PTPRG: variants seen among roughly 807,000 people sequenced by gnomAD.
PTPRG encodes protein tyrosine phosphatase receptor type G.
Under a neutral mutation model 165.3 loss-of-function variants are expected in PTPRG, and 102 were observed. That is an observed-to-expected ratio of 0.62 (90% CI 0.53 to 0.73). The LOEUF is 0.73. Ranked by LOEUF, PTPRG falls within the 30% of genes least tolerant of loss-of-function variation. The pLI, the probability that PTPRG is intolerant of heterozygous loss-of-function variation, is 0.00. For missense variants in PTPRG, 1,866 were observed against 1,861.4 expected, an observed-to-expected ratio of 1.00 and a Z score of -0.05; for synonymous variants, 675 against 669.5, an observed-to-expected ratio of 1.01 and a Z score of -0.13.
chr3:61,820,531 C>T (rs893599837), intron 2 of PTPRG, among the ~76,000 whole-genome samples: 4 of 150,786 alleles, frequency 2.7e-5, no homozygotes, highest in Non-Finnish European at 5.9e-5. Flanking sequence ...ATGGCCCAGT[C>T]AAGTTGACAC....
At position 62,237,835 on chromosome 3, in the gene PTPRG, T is replaced by A. The variant is rs934163500; in HGVS notation, c.2376-5972T>A. 6.6e-6 allele frequency among the ~76,000 whole-genome samples: 1 copy of A among 152,172 alleles called. No individual in the cohort carries two copies. Among genetic ancestry groups the A allele is most frequent in the Non-Finnish European group, 1.5e-5 (1 of 68,034 alleles). ...CCAGAAAACTGCTAACCAGATGCCA[T>A]ACAGATTTGATCAGCTACTATCACA... On this transcript the variant is annotated intron_variant, in intron 14 of 29. Transcript: ENST00000474889. The surrounding 1 kb of genome is among the most constrained non-coding windows in gnomAD (Gnocchi z 4.5).
At chr3:61,715,138 T>G (rs1169492884) in intron 1 of PTPRG, among the ~76,000 whole-genome samples, 1 of 151,890 alleles carries the variant, frequency 6.6e-6, no homozygotes, top group East Asian at 1.9e-4. Context: ...TAGGTACAGC[T>G]TCTGCTACAG....
intron 4 of PTPRG, among the ~76,000 whole-genome samples, chr3:62,011,465 C>T (rs770337004): frequency 9.9e-5 from 15 of 152,102 alleles, no homozygotes; most frequent in South Asian, 4.1e-4. Context: ...GGAGCGTGGA[C>T]GTGTTAGAGA....
intron 2 of PTPRG, chr3:61,925,979 G>C (rs1431416191): frequency 6.5e-6 from 3 of 464,326 alleles, no homozygotes; most frequent in Non-Finnish European, 1.3e-5. Flanking sequence ...AGCAGCACCA[G>C]CGTCACCTGC....
At chr3:62,038,797 T>G (rs1333329428) in intron 4 of PTPRG, among the ~76,000 whole-genome samples, 1 of 152,202 alleles carries the variant, frequency 6.6e-6, no homozygotes, top group Non-Finnish European at 1.5e-5. Context: ...TCCAACTTCC[T>G]CTATTTTTTA....
At chr3:61,953,736 G>A (rs958314001) in intron 2 of PTPRG, among the ~76,000 whole-genome samples, 2 of 151,470 alleles carry the variant, frequency 1.3e-5, no homozygotes, top group Non-Finnish European at 2.9e-5. Context: ...CTTTCAGCAC[G>A]TCAGTCATAC....
chr3:62,031,950 G>A (rs932016788), intron 4 of PTPRG, among the ~76,000 whole-genome samples: 4 of 152,178 alleles, frequency 2.6e-5, no homozygotes, highest in Non-Finnish European at 4.4e-5. Flanking sequence ...AAATGTCTAA[G>A]AAACCAGTTG....
chr3:62,241,260 C>G, intron 14 of PTPRG, among the ~76,000 whole-genome samples: 1 of 152,136 alleles, frequency 6.6e-6, no homozygotes. Flanking sequence ...TGTCTGCATA[C>G]TTGATGCTGT....
intron 1 of PTPRG, among the ~76,000 whole-genome samples, chr3:61,701,526 A>G (rs2030956034): frequency 6.6e-6 from 1 of 152,226 alleles, no homozygotes. Context: ...TTTAGTGACT[A>G]ATTTTTCTAC....
chr3:61,956,761 C>T (rs1158046688), intron 2 of PTPRG, among the ~76,000 whole-genome samples: 1 of 152,138 alleles, frequency 6.6e-6, no homozygotes, highest in East Asian at 1.9e-4. Flanking sequence ...CAATTACATA[C>T]CTTTTGTATG....
intron 6 of PTPRG, among the ~76,000 whole-genome samples, chr3:62,140,288 A>G (rs1440862697): frequency 6.6e-6 from 1 of 152,210 alleles, no homozygotes; most frequent in Non-Finnish European, 1.5e-5. Context: ...TATATCCCCA[A>G]GAAAAATATT....
chr3:61,713,189 T>G (rs1051182965), intron 1 of PTPRG, among the ~76,000 whole-genome samples: 3 of 148,170 alleles, frequency 2.0e-5, no homozygotes, highest in African/African-American at 2.5e-5. Flanking sequence ...TGAGACGGAG[T>G]GTCACTCTGT....
intron 5 of PTPRG, among the ~76,000 whole-genome samples, chr3:62,087,278 C>T (rs754826122): frequency 1.3e-5 from 2 of 152,124 alleles, no homozygotes; most frequent in African/African-American, 2.4e-5. Context: ...CTCAATCCAG[C>T]GACTTTGTTT....
chr3:62,293,404 G>T lies in PTPRG; in HGVS notation c.*97G>T. ...AGACTCTAGGTTATACAATAACCCA[G>T]TTACTTTTTTACACTGATAAAAGTT... On this transcript the variant is annotated 3_prime_UTR_variant, in exon 30 of 30. Transcript: ENST00000474889. 8.8e-7 allele frequency: 1 copy of T among 1,141,076 alleles called. No individual in the cohort carries two copies. Among genetic ancestry groups the T allele is most frequent in the South Asian group, 2.3e-5 (1 of 43,588 alleles). The allele number at this position is 1,141,076 out of a possible 1,614,324, so 70.7% of individuals were successfully genotyped here.
At chr3:61,944,902 T>A (rs1215902667) in intron 2 of PTPRG, among the ~76,000 whole-genome samples, 1 of 152,114 alleles carries the variant, frequency 6.6e-6, no homozygotes, top group East Asian at 1.9e-4. Flanking sequence ...GGACTGAAAT[T>A]CCCCGTGGCA....
chr3:62,292,634 A>C, intron 29 of PTPRG, 78 bp downstream of exon 29: 19 of 1,521,774 alleles, frequency 1.2e-5, no homozygotes, highest in Non-Finnish European at 1.7e-5. Context: ...AGTAGTTCTC[A>C]ATTGGGGGTG....
At chr3:61,908,121 T>TAA (rs1183592777) in intron 2 of PTPRG, among the ~76,000 whole-genome samples, 2,048 of 67,144 alleles carry the variant, frequency 0.031, 110 homozygotes, top group Non-Finnish European at 0.037. Flanking sequence ...CACCTCTCTT[T>TAA]AAAAAAAAAA....
At chr3:61,621,152 A>C (rs1701448438) in intron 1 of PTPRG, among the ~76,000 whole-genome samples, 2 of 151,710 alleles carry the variant, frequency 1.3e-5, no homozygotes, top group Non-Finnish European at 1.5e-5. Flanking sequence ...GTAAAGCATG[A>C]GGTCAAAACT....
At chr3:62,101,851 A>G (rs1702298311) in intron 5 of PTPRG, among the ~76,000 whole-genome samples, 1 of 152,174 alleles carries the variant, frequency 6.6e-6, no homozygotes, top group Non-Finnish European at 1.5e-5. Flanking sequence ...AGTTGTACCA[A>G]TTTGCACTCC....
Sources: gnomAD v4.1 joint callset for allele counts (sites outside exome capture counted in the v4.1 genomes callset) on GRCh38, gnomAD v4.1.1 for gene constraint, Gnocchi (gnomAD v3.1) non-coding constraint, MANE v1.5 for transcripts, NCBI Gene and HGNC (gene_info 2026-07-23, HGNC 2026-07-21) for gene names.